RABIF: variants seen among roughly 807,000 people sequenced by gnomAD.
RABIF encodes guanine nucleotide exchange factor MSS4.
A neutral mutation model predicts 12.3 loss-of-function variants in RABIF; 13 were observed. The observed-to-expected ratio is 1.06, with a 90% CI of 0.69 to 1.68. RABIF has a LOEUF of 1.68. Ranked by LOEUF, RABIF falls within the 40% of genes most tolerant of loss-of-function variation. The probability of loss-of-function intolerance (pLI) is 0.00; values close to 1 mark genes in which losing one functional copy is unlikely to be tolerated. For synonymous variants in RABIF, 70 were observed against 63.3 expected, an observed-to-expected ratio of 1.11 and a Z score of -0.50; for missense variants, 153 against 158.0, an observed-to-expected ratio of 0.97 and a Z score of 0.17.
At chr1:202,888,604 G>A (rs1264558088) in intron 1 of RABIF, among the ~76,000 whole-genome samples, 2 of 152,192 alleles carry the variant, frequency 1.3e-5, no homozygotes, top group Non-Finnish European at 2.9e-5. Flanking sequence ...GCAAGCTGGC[G>A]GGAGCTCCGA....
At position 202,880,144 on chromosome 1, in the gene RABIF, T is replaced by A. The variant is rs1426230113; in HGVS notation, c.*834A>T. ...TTACTTGTCCAGATGTGGCAAATTA[T>A]AAACTTTTGTATAATGTGGCAAAGG... On this transcript the variant is annotated 3_prime_UTR_variant, in exon 2 of 2. Transcript: ENST00000367262. The A allele has an allele frequency of 2.0e-5, 3 of 152,350 alleles. No individual in the cohort carries two copies. The highest frequency in any genetic ancestry group is 3.4e-3 in the Middle Eastern group (1 of 294). The allele number at this position is 152,350 out of a possible 1,614,324, so 9.4% of individuals were successfully genotyped here.
At chr1:202,887,848 T>G (rs923286045) in intron 1 of RABIF, among the ~76,000 whole-genome samples, 4 of 152,210 alleles carry the variant, frequency 2.6e-5, no homozygotes, top group African/African-American at 7.2e-5. Context: ...CTCAATTCCA[T>G]GTATGTTTCA....
intron 1 of RABIF, among the ~76,000 whole-genome samples, chr1:202,882,605 C>T (rs549929553): frequency 6.6e-6 from 1 of 152,106 alleles, no homozygotes; most frequent in Middle Eastern, 3.2e-3. Context: ...CACATGTATA[C>T]TGGTGAAACC....
intron 1 of RABIF, among the ~76,000 whole-genome samples, chr1:202,886,977 G>A (rs1659571615): frequency 6.7e-6 from 1 of 149,374 alleles, no homozygotes; most frequent in South Asian, 2.1e-4. Context: ...CAAGTGATCC[G>A]CCCAACTCAG....
rs760384220 is a variant in RABIF at position 202,881,137 on chromosome 1, A to C, written c.213T>G (p.Val71=). The change falls in exon 2 of 2, where the codon GTT becomes GTG. Residue 71 remains valine, a synonymous_variant. Coordinates refer to ENST00000367262, the MANE Select transcript of RABIF (RefSeq NM_002871.5). The part of the protein sequence containing the change: ...DGDLLQEHWL[V]EDMFIFENVG... ...CATTCTCAAAAATGAACATGTCCTC[A>C]ACCAGCCAGTGTTCCTGGAGGAGAT... 5 of 1,614,082 alleles carry C rather than the reference A, an allele frequency of 3.1e-6. No individual in the cohort carries two copies. The highest frequency in any genetic ancestry group is 4.2e-6 in the Non-Finnish European group (5 of 1,180,054).
intron 1 of RABIF, among the ~76,000 whole-genome samples, chr1:202,887,057 A>G (rs1659575060): frequency 6.6e-6 from 1 of 150,432 alleles, no homozygotes; most frequent in South Asian, 2.1e-4. Context: ...TAAAGAAAAA[A>G]CAATTAAGAA....
At chr1:202,888,351 C>T (rs1659595344) in intron 1 of RABIF, among the ~76,000 whole-genome samples, 1 of 152,158 alleles carries the variant, frequency 6.6e-6, no homozygotes, top group Non-Finnish European at 1.5e-5. Flanking sequence ...GGATCTACTG[C>T]ACTTGAAATA....
intron 1 of RABIF, among the ~76,000 whole-genome samples, chr1:202,884,427 C>CT (rs1415239457): frequency 6.6e-6 from 1 of 152,078 alleles, no homozygotes; most frequent in Non-Finnish European, 1.5e-5. Flanking sequence ...GTCCATAGCC[C>CT]TCTCCTTTGG....
intron 1 of RABIF, 56 bp downstream of exon 1, chr1:202,888,917 C>A: frequency 6.9e-7 from 1 of 1,458,220 alleles, no homozygotes; most frequent in South Asian, 1.4e-5. Flanking sequence ...ATTCTGACTG[C>A]GGCGGCTCGT....
chr1:202,882,208 C>T (rs1258866380), intron 1 of RABIF, among the ~76,000 whole-genome samples: 3 of 152,004 alleles, frequency 2.0e-5, no homozygotes, highest in African/African-American at 4.8e-5. Context: ...AGTGAGACCC[C>T]CATCTCTACA....
chr1:202,884,885 G>C (rs1659536886), intron 1 of RABIF, among the ~76,000 whole-genome samples: 1 of 151,986 alleles, frequency 6.6e-6, no homozygotes, highest in Non-Finnish European at 1.5e-5. Flanking sequence ...AGGAGTTCAA[G>C]ACCAGCCTGG....
intron 1 of RABIF, among the ~76,000 whole-genome samples, chr1:202,882,212 C>G (rs1475192138): frequency 6.6e-6 from 1 of 152,038 alleles, no homozygotes; most frequent in African/African-American, 2.4e-5. Flanking sequence ...AGACCCCCAT[C>G]TCTACAAAAA....
In RABIF at chr1:202,889,048, G is replaced by T; in HGVS notation, c.51C>A (p.Asn17Lys). The change falls in exon 1 of 2, where the codon AAC becomes AAA. Residue 17 changes from asparagine to lysine, a missense_variant. Transcript: ENST00000367262. ...PSELVSAEGR[N>K]RKAVLCQRCG... is the part of the protein sequence containing the mutation. ...AACGCTGGCACAGCACCGCCTTCCG[G>T]TTTCGGCCCTCGGCTGACACTAACT... 6.2e-7 allele frequency: 1 copy of T among 1,611,058 alleles called. No homozygotes were observed. The highest frequency in any genetic ancestry group is 8.5e-7 in the Non-Finnish European group (1 of 1,179,006).
At chr1:202,886,751 T>TC (rs1406497023) in intron 1 of RABIF, among the ~76,000 whole-genome samples, 2 of 31,916 alleles carry the variant, frequency 6.3e-5, no homozygotes, top group African/African-American at 1.6e-4. Flanking sequence ...TTTTCTTTTT[T>TC]TTTTTTTTTG....
rs769081206 is a variant in RABIF, at chr1:202,889,107, C to G, written c.-9G>C. ...TGCTCCGCTGGTTCCATCGCCGCTG[C>G]CGCCACAGGCTCCTCAGCCACGGCT... is the stretch of plus-strand genomic sequence containing the variant. On this transcript the variant is annotated 5_prime_UTR_variant, in exon 1 of 2. Coordinates refer to ENST00000367262, the MANE Select transcript of RABIF (RefSeq NM_002871.5). The G allele has an allele frequency of 1.2e-6, 2 of 1,600,038 alleles. No homozygotes were observed. Among genetic ancestry groups the G allele is most frequent in the Non-Finnish European group, 1.7e-6 (2 of 1,173,394 alleles).
Position 202,880,309 on chromosome 1 carries a change from A to G in RABIF, c.*669T>C, listed in dbSNP as rs568527963. Reference sequence around the variant, plus strand: ...TTCTAGGCTGTAGCAGTGAGGAGCTAATATAAAAAGAAACTACAAGATTTC... The same window carrying G: ...TTCTAGGCTGTAGCAGTGAGGAGCTGATATAAAAAGAAACTACAAGATTTC... On this transcript the variant is annotated 3_prime_UTR_variant, in exon 2 of 2. Coordinates refer to ENST00000367262, the MANE Select transcript of RABIF (RefSeq NM_002871.5). 1.3e-5 allele frequency: 2 copies of G among 152,718 alleles called. No individual in the cohort carries two copies. The highest frequency in any genetic ancestry group is 6.8e-3 in the Middle Eastern group (2 of 294). 9.5% of individuals were successfully genotyped at this position (152,718 alleles called of 1,614,324 possible).
In RABIF at chr1:202,889,119, C is replaced by T. The variant is rs752461902; in HGVS notation, c.-21G>A. 117 of 1,597,236 alleles carry T rather than the reference C, an allele frequency of 7.3e-5. 1 individual carries two copies. The South Asian group carries it at 1.3e-3, about 17-fold the overall frequency. ...TCCATCGCCGCTGCCGCCACAGGCT[C>T]CTCAGCCACGGCTGCGCAGACGCTG... On this transcript the variant is annotated 5_prime_UTR_variant, in exon 1 of 2. Transcript: ENST00000367262.
At chr1:202,887,036 T>G (rs556148171) in intron 1 of RABIF, among the ~76,000 whole-genome samples, 182 of 151,416 alleles carry the variant, frequency 1.2e-3, no homozygotes, top group African/African-American at 3.9e-3. Flanking sequence ...TTTGTTTTTT[T>G]TTTTTTTTTT....
Position 202,881,138 on chromosome 1 carries a change from ACCAG to A in RABIF, c.208_211del (p.Val71ArgfsTer36), listed in dbSNP as rs760183921. The A allele has an allele frequency of 2.0e-5, 32 of 1,613,176 alleles. No individual in the cohort carries two copies. Among genetic ancestry groups the A allele is most frequent in the Non-Finnish European group, 2.7e-5 (32 of 1,179,920 alleles). On this transcript the variant is annotated frameshift_variant, in exon 2 of 2. Coordinates refer to ENST00000367262, the MANE Select transcript of RABIF (RefSeq NM_002871.5). LOFTEE classifies it high-confidence loss of function. ...ATTCTCAAAAATGAACATGTCCTCAACCAGCCAGTGTTCCTGGAGGAGATCGCCG... is the reference window on the plus strand; with the variant it reads ...ATTCTCAAAAATGAACATGTCCTCAACCAGTGTTCCTGGAGGAGATCGCCG...
Sources: allele counts gnomAD v4.1 joint callset (sites outside exome capture counted in the v4.1 genomes callset), GRCh38; gene constraint gnomAD v4.1.1; transcripts MANE v1.5; gene names NCBI Gene and HGNC (gene_info 2026-07-23, HGNC 2026-07-21).